The following PDE8A variants were observed in gnomAD, a reference collection of about 807,000 sequenced individuals.
PDE8A encodes high affinity cAMP-specific and IBMX-insensitive 3',5'-cyclic phosphodiesterase 8A.
In PDE8A, 59 loss-of-function variants were observed where a neutral mutation model predicts 105.0. The ratio of observed to expected loss-of-function variants is 0.56; its 90% CI spans 0.46 to 0.70. The LOEUF (loss-of-function observed/expected upper bound fraction) is 0.70. Among genes scored for constraint, PDE8A ranks in the 30% least tolerant of loss-of-function variants. PDE8A has a pLI of 0.00. For synonymous variants in PDE8A, 355 were observed against 371.9 expected (o/e 0.95, Z 0.52); for missense variants, 1,014 against 1,045.9 (o/e 0.97, Z 0.42).
chr15:85,037,673 T>G (rs906756484), intron 1 of PDE8A, among the ~76,000 whole-genome samples: 7 of 152,262 alleles, frequency 4.6e-5, no homozygotes, highest in Non-Finnish European at 5.9e-5. Context: ...TGTGAGATTT[T>G]AGGGATACGA....
At chr15:85,059,067 T>C (rs2081105474) in intron 1 of PDE8A, among the ~76,000 whole-genome samples, 1 of 152,216 alleles carries the variant, frequency 6.6e-6, no homozygotes, top group South Asian at 2.1e-4. Flanking sequence ...CCATAAGTTT[T>C]AGTATGTTGC....
At position 85,007,658 on chromosome 15, in the gene PDE8A, A is replaced by T. The variant is rs188985835; in HGVS notation, c.186+25310A>T. ...AAATTACTTAACCTGTTTGTGCCTC[A>T]GATTTCAAGTCATATAAAATGAGAA... On this transcript the variant is annotated intron_variant, in intron 1 of 21. Coordinates refer to ENST00000394553, the MANE Select transcript of PDE8A (RefSeq NM_002605.3). 7.2e-5 allele frequency among the ~76,000 whole-genome samples: 11 copies of T among 152,224 alleles called. No homozygotes were observed. The East Asian group carries it at 2.1e-3, about 29-fold the overall frequency.
At chr15:84,983,731 G>A (rs1239060860) in intron 1 of PDE8A, among the ~76,000 whole-genome samples, 1 of 152,232 alleles carries the variant, frequency 6.6e-6, no homozygotes. Context: ...CAGCTTTCAA[G>A]TTTTCAGTCC....
Position 85,078,127 on chromosome 15 carries a change from C to T in PDE8A, c.546+1340C>T, listed in dbSNP as rs558475214. On this transcript the variant is annotated intron_variant, in intron 5 of 21. Transcript: ENST00000394553. The stretch of plus-strand genomic sequence containing the variant: ...AAGTAGAGTAAATTTTAAAAGAGGA[C>T]ACATCCTAGTGAAACTGCAAAAAAA... Among the ~76,000 whole-genome samples, 671 of 139,730 alleles carry T rather than the reference C, an allele frequency of 4.8e-3. 3 individuals are homozygous for T. Among genetic ancestry groups the T allele is most frequent in the Non-Finnish European group, 8.4e-3 (557 of 65,962 alleles). The allele number at this position is 139,730 out of a possible 152,430, so 91.7% of individuals were successfully genotyped here. A position where few individuals can be genotyped will look rare whatever the true frequency, so the allele number is the denominator to read the frequency against.
rs184169785 is a variant in PDE8A at position 85,038,796 on chromosome 15, C to T, written c.187-25574C>T. On this transcript the variant is annotated intron_variant, in intron 1 of 21. Coordinates refer to ENST00000394553, the MANE Select transcript of PDE8A (RefSeq NM_002605.3). ...AATTAAACCATAATGAAATATATCA[C>T]CTCATACCTTTGGATTGGCTGTTAT... is the stretch of plus-strand genomic sequence containing the variant. 2.5e-4 allele frequency among the ~76,000 whole-genome samples: 38 copies of T among 152,232 alleles called. No individual in the cohort carries two copies. In the East Asian group the frequency reaches 6.8e-3, roughly 27 times the overall value.
chr15:85,030,547 C>T (rs1415659936), intron 1 of PDE8A, among the ~76,000 whole-genome samples: 2 of 152,130 alleles, frequency 1.3e-5, no homozygotes, highest in South Asian at 2.1e-4. Flanking sequence ...TAAGTGCTTG[C>T]CTGGCTGCAG....
chr15:85,098,872 G>T (rs1046736575), intron 9 of PDE8A, among the ~76,000 whole-genome samples: 1 of 151,890 alleles, frequency 6.6e-6, no homozygotes, highest in East Asian at 1.9e-4. Flanking sequence ...TGGGAGAATC[G>T]CTTGATCTTG....
At chr15:85,070,845 A>G (rs751033359) in intron 3 of PDE8A, among the ~76,000 whole-genome samples, 5 of 152,334 alleles carry the variant, frequency 3.3e-5, no homozygotes, top group South Asian at 2.1e-4. Context: ...CTTGGCTGCC[A>G]AGTGGAGAAT....
At chr15:85,056,800 A>G (rs1268406432) in intron 1 of PDE8A, among the ~76,000 whole-genome samples, 1 of 152,218 alleles carries the variant, frequency 6.6e-6, no homozygotes, top group African/African-American at 2.4e-5. Flanking sequence ...GATTGTCTGA[A>G]GCCTTCTTCT....
chr15:85,017,960 A>G (rs1401173251), intron 1 of PDE8A, among the ~76,000 whole-genome samples: 1 of 148,632 alleles, frequency 6.7e-6, no homozygotes, highest in African/African-American at 2.5e-5. Context: ...TTTTCAAAGT[A>G]TGGATGAGAT....
intron 1 of PDE8A, among the ~76,000 whole-genome samples, chr15:85,037,385 A>G (rs1245147290): frequency 6.6e-6 from 1 of 152,136 alleles, no homozygotes; most frequent in African/African-American, 2.4e-5. Flanking sequence ...CTTTTTGCAA[A>G]TGTAACCATC....
chr15:85,075,367 G>A (rs1043013324), intron 3 of PDE8A, among the ~76,000 whole-genome samples: 1 of 152,038 alleles, frequency 6.6e-6, no homozygotes, highest in Admixed American at 6.6e-5. Context: ...GATTATTTTT[G>A]GTTATTTAGC....
chr15:84,983,428 A>C (rs2079752367), intron 1 of PDE8A, among the ~76,000 whole-genome samples: 1 of 152,194 alleles, frequency 6.6e-6, no homozygotes, highest in East Asian at 1.9e-4. Context: ...AGTTTGATGT[A>C]CTTTCTGTCT....
At chr15:85,049,281 ATCTATCTCCAGAAC>A (rs2080935514) in intron 1 of PDE8A, among the ~76,000 whole-genome samples, 1 of 152,300 alleles carries the variant, frequency 6.6e-6, no homozygotes, top group South Asian at 2.1e-4. Flanking sequence ...TGTGATCACC[ATCTATCTCCAGAAC>A]TCTTTTCATT....
intron 1 of PDE8A, among the ~76,000 whole-genome samples, chr15:84,987,371 G>C (rs2079819184): frequency 6.6e-6 from 1 of 151,306 alleles, no homozygotes; most frequent in African/African-American, 2.4e-5. Flanking sequence ...TAAGGTTTAT[G>C]ATAGGGCCTG....
At chr15:85,089,509 CT>C in intron 7 of PDE8A, 93 bp downstream of exon 7, 1 of 617,538 alleles carries the variant, frequency 1.6e-6, no homozygotes. Flanking sequence ...TTTTTTTTTT[CT>C]TTTTGAAGTT....
chr15:85,019,377 A>T (rs899138634), intron 1 of PDE8A, among the ~76,000 whole-genome samples: 9 of 152,144 alleles, frequency 5.9e-5, no homozygotes, highest in East Asian at 1.9e-4. Context: ...CATTTAAAAA[A>T]TTTTTGATTT....
At chr15:85,120,370 A>G (rs1018257576) in intron 17 of PDE8A, 2 of 152,644 alleles carry the variant, frequency 1.3e-5, no homozygotes, top group African/African-American at 4.8e-5. Context: ...CCTGACAAAG[A>G]TAGCACTAAA....
chr15:85,016,664 T>C (rs6496597), intron 1 of PDE8A, among the ~76,000 whole-genome samples: 123,622 of 151,908 alleles, frequency 0.81, 50,650 homozygotes, highest in Non-Finnish European at 0.87. Flanking sequence ...ACTTTATAAT[T>C]AGCTTGTCTA....
Sources: gnomAD v4.1 joint callset for allele counts (sites outside exome capture counted in the v4.1 genomes callset) on GRCh38, gnomAD v4.1.1 for gene constraint, MANE v1.5 for transcripts, NCBI Gene and HGNC (gene_info 2026-07-23, HGNC 2026-07-21) for gene names.